Variants in RAB6B observed in about 807,000 individuals in gnomAD.
RAB6B encodes the protein RAB6B, member RAS oncogene family, also known as ras-related protein Rab-6B.
A neutral mutation model predicts 31.2 loss-of-function variants in RAB6B; 7 were observed. That is an observed-to-expected ratio of 0.22 (90% CI 0.13 to 0.42). The LOEUF is 0.42. Ranked by LOEUF, RAB6B falls within the 10% of genes least tolerant of loss-of-function variation. The probability of loss-of-function intolerance (pLI) is 1.00; values close to 1 mark genes in which losing one functional copy is unlikely to be tolerated. For synonymous variants in RAB6B, 105 were observed against 104.9 expected (o/e 1.00, Z -0.01); for missense variants, 149 against 280.6 (o/e 0.53, Z 3.35).
chr3:133,864,673 T>A, intron 1 of RAB6B, 31 bp from the exon 2 acceptor site: 1 of 1,593,242 alleles, frequency 6.3e-7, no homozygotes, highest in Non-Finnish European at 8.6e-7. Context: ...AGGTGTTCAG[T>A]CATGGCATCT....
rs1022281351 is a variant in RAB6B at position 133,827,566 on chromosome 3, T to A, written c.*1222A>T. The A allele has an allele frequency of 3.4e-6, 1 of 293,302 alleles. No individual in the cohort carries two copies. Among genetic ancestry groups the A allele is most frequent in the African/African-American group, 2.2e-5 (1 of 46,130 alleles). 18.2% of individuals were successfully genotyped at this position (293,302 alleles called of 1,614,324 possible). On this transcript the variant is annotated 3_prime_UTR_variant, in exon 8 of 8. Coordinates refer to ENST00000285208, the MANE Select transcript of RAB6B (RefSeq NM_016577.4). Reference sequence around the variant, plus strand: ...TGGAGACCCCACCTGAACCACATCCTCAGGTGACCACAGCGCAGCCACAGT... The same window carrying A: ...TGGAGACCCCACCTGAACCACATCCACAGGTGACCACAGCGCAGCCACAGT...
At chr3:133,849,940 C>T (rs1035917827) in intron 2 of RAB6B, among the ~76,000 whole-genome samples, 1 of 152,078 alleles carries the variant, frequency 6.6e-6, no homozygotes, top group African/African-American at 2.4e-5. Context: ...CTATTTGCCT[C>T]AAATAAGGCA....
intron 1 of RAB6B, among the ~76,000 whole-genome samples, chr3:133,882,532 TG>T (rs1312998931): frequency 1.3e-5 from 2 of 152,222 alleles, no homozygotes; most frequent in African/African-American, 4.8e-5. Flanking sequence ...TGAACCGGGC[TG>T]ATCACCTGGA....
chr3:133,848,888 T>C (rs1454142414), intron 2 of RAB6B, among the ~76,000 whole-genome samples: 1 of 152,160 alleles, frequency 6.6e-6, no homozygotes, highest in East Asian at 1.9e-4. Flanking sequence ...GAAATATTAA[T>C]ATGATCATAT....
At chr3:133,843,922 C>T (rs1361774542) in intron 2 of RAB6B, among the ~76,000 whole-genome samples, 1 of 152,200 alleles carries the variant, frequency 6.6e-6, no homozygotes, top group African/African-American at 2.4e-5. Context: ...TTCAGCAGCG[C>T]TGGACTGCTC....
chr3:133,841,693 A>G (rs1935835233), intron 2 of RAB6B, 30 bp from the exon 3 acceptor site: 1 of 1,612,212 alleles, frequency 6.2e-7, no homozygotes, highest in South Asian at 1.1e-5. Flanking sequence ...AACGGTCAAA[A>G]TCAAAAGGTC....
chr3:133,871,664 C>T (rs901660140), intron 1 of RAB6B, among the ~76,000 whole-genome samples: 4 of 152,196 alleles, frequency 2.6e-5, no homozygotes, highest in African/African-American at 7.2e-5. Flanking sequence ...GCCTCCACAG[C>T]GGGTGTGGGT....
Position 133,827,816 on chromosome 3 carries a change from G to C in RAB6B, c.*972C>G, listed in dbSNP as rs2107983213. 1 of 543,966 alleles carries C rather than the reference G, an allele frequency of 1.8e-6. No individual in the cohort carries two copies. The highest frequency in any genetic ancestry group is 3.3e-5 in the East Asian group (1 of 30,362). The allele number at this position is 543,966 out of a possible 1,614,324, so 33.7% of individuals were successfully genotyped here. On this transcript the variant is annotated 3_prime_UTR_variant, in exon 8 of 8. Coordinates refer to ENST00000285208, the MANE Select transcript of RAB6B (RefSeq NM_016577.4). ...GTGGTCCAGCTTCCCTGACATCCAG[G>C]AGGAAGGCTTCAGGATGGCACACTG...
intron 2 of RAB6B, 102 bp from the exon 3 acceptor site, chr3:133,841,765 C>T (rs982699293): frequency 6.8e-6 from 8 of 1,178,232 alleles, no homozygotes; most frequent in Non-Finnish European, 7.4e-6. Context: ...AGAGGGGACG[C>T]TCATGTCAGG....
At chr3:133,864,876 G>C (rs1273047212) in intron 1 of RAB6B, among the ~76,000 whole-genome samples, 1 of 152,236 alleles carries the variant, frequency 6.6e-6, no homozygotes, top group Non-Finnish European at 1.5e-5. Context: ...TGCTGCCAAG[G>C]AGGAGGTATC....
At chr3:133,841,161 CGCACACACATGCGTGT>C (rs201380383) in intron 4 of RAB6B, 108 bp downstream of exon 4, 114,248 of 844,598 alleles carry the variant, frequency 0.14, 8,193 homozygotes, top group African/African-American at 0.18. Flanking sequence ...AGGGAGCAAT[CGCACACACATGCGTGT>C]GCACACACAT....
chr3:133,888,346 A>G (rs771801798), intron 1 of RAB6B, among the ~76,000 whole-genome samples: 5 of 152,250 alleles, frequency 3.3e-5, no homozygotes, highest in Non-Finnish European at 5.9e-5. Context: ...AGCCTCCGGC[A>G]TAGTGGATGT....
At chr3:133,892,299 C>A (rs1199004464) in intron 1 of RAB6B, among the ~76,000 whole-genome samples, 2 of 152,182 alleles carry the variant, frequency 1.3e-5, no homozygotes, top group African/African-American at 4.8e-5. Context: ...GTCCACAGCA[C>A]CCTCCCCACA....
chr3:133,861,583 AG>A (rs1436734305), intron 2 of RAB6B, among the ~76,000 whole-genome samples: 1 of 152,166 alleles, frequency 6.6e-6, no homozygotes, highest in East Asian at 1.9e-4. Flanking sequence ...CACTGAGGAT[AG>A]GGTTAAACGC....
At chr3:133,856,175 G>C (rs1936073536) in intron 2 of RAB6B, among the ~76,000 whole-genome samples, 1 of 152,112 alleles carries the variant, frequency 6.6e-6, no homozygotes, top group South Asian at 2.1e-4. Flanking sequence ...TTATGCCACT[G>C]TTCATCAGCT....
intron 7 of RAB6B, among the ~76,000 whole-genome samples, chr3:133,830,460 T>A (rs991899639): frequency 1.3e-5 from 2 of 152,216 alleles, no homozygotes; most frequent in East Asian, 3.8e-4. Context: ...CCAACCAGAT[T>A]TTCCCTGCTT....
At chr3:133,863,606 G>C (rs1330767938) in intron 2 of RAB6B, among the ~76,000 whole-genome samples, 6 of 152,086 alleles carry the variant, frequency 3.9e-5, no homozygotes, top group Non-Finnish European at 8.8e-5. Context: ...GTCAGGCTCC[G>C]AGAAGCCCTG....
intron 5 of RAB6B, 86 bp downstream of exon 5, chr3:133,839,420 A>G (rs1935787579): frequency 8.6e-7 from 1 of 1,168,994 alleles, no homozygotes. Flanking sequence ...CAGACACACC[A>G]CCCATGCATC....
chr3:133,895,326 C>G (rs1936693418), intron 1 of RAB6B, 71 bp downstream of exon 1: 1 of 1,522,222 alleles, frequency 6.6e-7, no homozygotes, highest in African/African-American at 1.4e-5. Context: ...GCCGGGGGTC[C>G]CAATGGGGTG....
Sources: allele counts gnomAD v4.1 joint callset (sites outside exome capture counted in the v4.1 genomes callset), GRCh38; gene constraint gnomAD v4.1.1; transcripts MANE v1.5; gene names NCBI Gene and HGNC (gene_info 2026-07-23, HGNC 2026-07-21).